The following ECE1 variants were observed in gnomAD, a reference collection of about 807,000 sequenced individuals.
ECE1 encodes the protein endothelin converting enzyme 1.
Under a neutral mutation model 98.6 loss-of-function variants are expected in ECE1, and 35 were observed. That is an observed-to-expected ratio of 0.35 (90% CI 0.27 to 0.47). ECE1 has a LOEUF of 0.47. Ranked by LOEUF, ECE1 falls within the 20% of genes least tolerant of loss-of-function variation. ECE1 has a pLI of 1.00. For synonymous variants in ECE1, 394 were observed against 407.1 expected (o/e 0.97, Z 0.39); for missense variants, 814 against 1,025.3 (o/e 0.79, Z 2.81).
chr1:21,299,148 A>G (rs1003832690), intron 1 of ECE1: 5 of 263,594 alleles, frequency 1.9e-5, no homozygotes, highest in Non-Finnish European at 3.9e-5. Context: ...TGAGCTGCCC[A>G]GTAATTGTGC....
At chr1:21,287,960 G>GAA (rs71569828) in intron 2 of ECE1, among the ~76,000 whole-genome samples, 19 of 139,588 alleles carry the variant, frequency 1.4e-4, no homozygotes, top group Non-Finnish European at 2.2e-4. Context: ...TTACACTGGG[G>GAA]AAAAAAAAAA....
intron 14 of ECE1, among the ~76,000 whole-genome samples, chr1:21,231,883 G>T (rs888241191): frequency 2.0e-5 from 3 of 152,202 alleles, no homozygotes; most frequent in African/African-American, 4.8e-5. Flanking sequence ...CAAAGCGTTC[G>T]AATTACAGGC....
chr1:21,230,133 T>C (rs1305076280), intron 14 of ECE1, among the ~76,000 whole-genome samples: 2 of 152,114 alleles, frequency 1.3e-5, no homozygotes, highest in African/African-American at 2.4e-5. Context: ...CCTGGGAAAG[T>C]TGAGGCTGCA....
chr1:21,281,853 C>T (rs1015769325), intron 2 of ECE1, among the ~76,000 whole-genome samples: 9 of 152,192 alleles, frequency 5.9e-5, no homozygotes, highest in Admixed American at 1.3e-4. Context: ...TGTGCTACCA[C>T]GCCCGGCTAA....
chr1:21,238,808 CTTTTTTCT>C (rs975202899), intron 10 of ECE1, among the ~76,000 whole-genome samples: 3 of 151,944 alleles, frequency 2.0e-5, no homozygotes, highest in South Asian at 2.1e-4. Context: ...CACCGCAGGA[CTTTTTTCT>C]TTTTTTCTTT....
At chr1:21,254,877 C>T (rs894209755) in intron 8 of ECE1, among the ~76,000 whole-genome samples, 3 of 152,278 alleles carry the variant, frequency 2.0e-5, no homozygotes, top group Middle Eastern at 3.4e-3. Context: ...GGCCCTAGCA[C>T]GGCCTGCATC....
rs532766791 is a variant in ECE1 at position 21,260,544 on chromosome 1, G to A, written c.494-152C>T. On this transcript the variant is annotated intron_variant, in intron 4 of 18. Transcript: ENST00000374893. The surrounding 1 kb of genome is among the most constrained non-coding windows in gnomAD (Gnocchi z 4.3). ...AGTGGCAGTGAGGAATGCCGTCACCGTGAGTATGTGAGGGCCCCTGGACAG... is the reference window on the plus strand; with the variant it reads ...AGTGGCAGTGAGGAATGCCGTCACCATGAGTATGTGAGGGCCCCTGGACAG... 20 of 1,025,116 alleles carry A rather than the reference G, an allele frequency of 2.0e-5. No individual in the cohort carries two copies. The East Asian group carries it at 2.2e-4, about 11-fold the overall frequency. The allele number at this position is 1,025,116 out of a possible 1,614,324, so 63.5% of individuals were successfully genotyped here.
intron 1 of ECE1, among the ~76,000 whole-genome samples, chr1:21,312,835 A>G (rs932144840): frequency 1.3e-5 from 2 of 152,160 alleles, no homozygotes; most frequent in African/African-American, 2.4e-5. Flanking sequence ...TCATTAAAAA[A>G]ACAAAGCTAA....
intron 10 of ECE1, among the ~76,000 whole-genome samples, chr1:21,239,493 C>T (rs905840178): frequency 6.6e-6 from 1 of 152,172 alleles, no homozygotes; most frequent in Non-Finnish European, 1.5e-5. Flanking sequence ...AGCAGGCAGA[C>T]GGATCAACAA....
intron 1 of ECE1, among the ~76,000 whole-genome samples, chr1:21,329,827 G>A (rs1010367092): frequency 4.6e-5 from 7 of 152,170 alleles, no homozygotes; most frequent in African/African-American, 1.2e-4. Flanking sequence ...GGGAGAGAGT[G>A]GGAGTTTGTG....
intron 1 of ECE1, among the ~76,000 whole-genome samples, chr1:21,300,520 C>T (rs766326517): frequency 3.9e-5 from 6 of 152,142 alleles, no homozygotes; most frequent in Middle Eastern, 3.2e-3. Context: ...CTCCAACCTC[C>T]GCCTCCTGGG....
At position 21,245,114 on chromosome 1, in the gene ECE1, A is replaced by G. The variant is rs779508321; in HGVS notation, c.1164-11T>C. 1.2e-6 allele frequency: 2 copies of G among 1,611,306 alleles called. No individual in the cohort carries two copies. Among genetic ancestry groups the G allele is most frequent in the East Asian group, 4.5e-5 (2 of 44,852 alleles). On this transcript the variant is annotated splice_polypyrimidine_tract_variant and intron_variant, in intron 9 of 18. Transcript: ENST00000374893. Reference sequence around the variant, plus strand: ...TAGTTGTTGAGCAGGCTGCGGGGAGAGGAGGCCAGAGAGGCTCAGGGACAC... The same window carrying G: ...TAGTTGTTGAGCAGGCTGCGGGGAGGGGAGGCCAGAGAGGCTCAGGGACAC...
chr1:21,260,341 T>C lies in ECE1; in HGVS notation c.545A>G (p.Tyr182Cys), dbSNP rs1362728243. Residue 182 changes from tyrosine (Y) to cysteine (C), a missense_variant, in exon 5 of 19, where the codon TAC becomes TGC. Around this residue, in one of 3 missense-constraint regions of ECE1, gnomAD observed 257 missense variants for 278.9 expected, o/e 0.92. Transcript: ENST00000374893. The surrounding 1 kb of genome is among the most constrained non-coding windows in gnomAD (Gnocchi z 4.3). The part of the protein sequence containing the change: ...SEAERKAQVY[Y>C]RACMNETRIE... Reference sequence around the variant, plus strand: ...CCTGGTCTCGTTCATGCACGCACGGTAGTATACTTGCGCCTTTCTCTCTGC... The same window carrying C: ...CCTGGTCTCGTTCATGCACGCACGGCAGTATACTTGCGCCTTTCTCTCTGC... 2 of 1,614,262 alleles carry C rather than the reference T, an allele frequency of 1.2e-6. No homozygotes were observed. Among genetic ancestry groups the C allele is most frequent in the Non-Finnish European group, 1.7e-6 (2 of 1,180,056 alleles).
intron 9 of ECE1, among the ~76,000 whole-genome samples, chr1:21,245,622 C>T (rs758553277): frequency 2.6e-5 from 4 of 152,180 alleles, no homozygotes; most frequent in Non-Finnish European, 5.9e-5. Context: ...GCTGTTGCCA[C>T]CGTTGCCAAG....
At position 21,258,776 on chromosome 1, in the gene ECE1, C is replaced by T. The variant is rs2103290333; in HGVS notation, c.679G>A (p.Val227Ile). ...GGTGAGGTGCGGTAGTGGGCGGTGA[C>T]CACCTGCAGGGTGTCCTGGAAGTTG... is the stretch of plus-strand genomic sequence containing the variant. ...KDNFQDTLQV[V>I]TAHYRTSPFF... The change falls in exon 6 of 19, where the codon GTC becomes ATC. Residue 227 changes from valine to isoleucine, a missense_variant. Val to Ile is a conservative substitution (Grantham distance 29). Coordinates refer to ENST00000374893, the MANE Select transcript of ECE1 (RefSeq NM_001397.3). The surrounding 1 kb of genome is among the most constrained non-coding windows in gnomAD (Gnocchi z 4.2). 6.2e-7 allele frequency: 1 copy of T among 1,614,204 alleles called. No homozygotes were observed. The highest frequency in any genetic ancestry group is 8.5e-7 in the Non-Finnish European group (1 of 1,180,044).
intron 2 of ECE1, among the ~76,000 whole-genome samples, chr1:21,285,786 G>A (rs1479028764): frequency 6.6e-6 from 1 of 151,854 alleles, no homozygotes; most frequent in African/African-American, 2.4e-5. Context: ...GAGGTCGGGA[G>A]TTTGAGGCCA....
At chr1:21,328,699 G>C (rs535618501) in intron 1 of ECE1, among the ~76,000 whole-genome samples, 24 of 148,646 alleles carry the variant, frequency 1.6e-4, no homozygotes, top group African/African-American at 6.0e-4. Context: ...GGAGATGGAG[G>C]TTGCAGTGAG....
At chr1:21,325,470 T>C (rs559842334) in intron 1 of ECE1, among the ~76,000 whole-genome samples, 2 of 152,220 alleles carry the variant, frequency 1.3e-5, no homozygotes, top group African/African-American at 2.4e-5. Context: ...CATGCAGGCT[T>C]CTCATCCTCT....
At chr1:21,237,593 C>G (rs985016120) in intron 11 of ECE1, among the ~76,000 whole-genome samples, 1 of 152,088 alleles carries the variant, frequency 6.6e-6, no homozygotes, top group African/African-American at 2.4e-5. Context: ...TATTGTATGC[C>G]GGTGCCCAGT....
Sources: gnomAD v4.1 joint callset for allele counts (sites outside exome capture counted in the v4.1 genomes callset) on GRCh38, gnomAD v4.1.1 for gene constraint, gnomAD v4.1.1 regional missense constraint, Gnocchi (gnomAD v3.1) non-coding constraint, MANE v1.5 for transcripts, NCBI Gene and HGNC (gene_info 2026-07-23, HGNC 2026-07-21) for gene names.